Variants in SIRPA observed in about 807,000 individuals in gnomAD.
The protein encoded by SIRPA is tyrosine-protein phosphatase non-receptor type substrate 1.
In SIRPA, 9 loss-of-function variants were observed where a neutral mutation model predicts 50.3. The observed-to-expected ratio is 0.18, with a 90% confidence interval of 0.11 to 0.31. SIRPA has a LOEUF of 0.31. SIRPA is among the 10% of genes least tolerant of loss of function. SIRPA has a pLI of 1.00. For missense variants in SIRPA, 474 were observed against 661.6 expected, an observed-to-expected ratio of 0.72 and a Z score of 3.11; for synonymous variants, 265 against 284.1, an observed-to-expected ratio of 0.93 and a Z score of 0.68.
chr20:1,917,464 C>G lies in SIRPA; in HGVS notation c.436+2009C>G, dbSNP rs563438672. 8.5e-5 allele frequency among the ~76,000 whole-genome samples: 13 copies of G among 152,252 alleles called. No individual in the cohort carries two copies. The South Asian group carries it at 2.7e-3, about 32-fold the overall frequency. ...GCTGAGGCAGGAGAATGCTTGAACCCAGGAGACGGAGATTACAGTGAGCCG... is the reference window on the plus strand; with the variant it reads ...GCTGAGGCAGGAGAATGCTTGAACCGAGGAGACGGAGATTACAGTGAGCCG... On this transcript the variant is annotated intron_variant, in intron 2 of 7. Transcript: ENST00000358771.
chr20:1,923,868 G>T (rs1446028914), intron 4 of SIRPA, among the ~76,000 whole-genome samples: 5 of 152,236 alleles, frequency 3.3e-5, no homozygotes, highest in Non-Finnish European at 7.3e-5. Context: ...AGTCTCAGCT[G>T]GTAGGGGCCA....
chr20:1,900,488 G>A (rs1984124128), intron 1 of SIRPA, among the ~76,000 whole-genome samples: 1 of 152,146 alleles, frequency 6.6e-6, no homozygotes, highest in South Asian at 2.1e-4. Context: ...TGAGTGCTGT[G>A]GGCACAGCCT....
intron 1 of SIRPA, among the ~76,000 whole-genome samples, chr20:1,901,146 T>C (rs1323084578): frequency 6.6e-6 from 1 of 150,876 alleles, no homozygotes; most frequent in Admixed American, 6.6e-5. Context: ...TTTTGTTTTT[T>C]CTTCCTTTCT....
intron 2 of SIRPA, among the ~76,000 whole-genome samples, chr20:1,920,357 A>T (rs893544051): frequency 6.6e-6 from 1 of 152,190 alleles, no homozygotes; most frequent in African/African-American, 2.4e-5. Context: ...ATATTTACAA[A>T]TGCAAGTATG....
At chr20:1,925,410 G>GTATGTGAGCCCAGAAA (rs1458898955) in intron 5 of SIRPA, among the ~76,000 whole-genome samples, 1 of 152,210 alleles carries the variant, frequency 6.6e-6, no homozygotes, top group East Asian at 1.9e-4. Context: ...TACCCGTATT[G>GTATGTGAGCCCAGAAA]TATGTGAGCC....
chr20:1,907,574 G>A (rs1984620083), intron 1 of SIRPA, among the ~76,000 whole-genome samples: 1 of 152,200 alleles, frequency 6.6e-6, no homozygotes, highest in South Asian at 2.1e-4. Flanking sequence ...ACCTAGCTCA[G>A]GGGCCACCAG....
At chr20:1,920,109 T>C (rs1985559222) in intron 2 of SIRPA, among the ~76,000 whole-genome samples, 1 of 152,156 alleles carries the variant, frequency 6.6e-6, no homozygotes, top group Non-Finnish European at 1.5e-5. Flanking sequence ...AGCTTTGTCC[T>C]AAAAGGGGCT....
rs763820080 is a variant in SIRPA at position 1,937,604 on chromosome 20, G to A, written c.*36G>A. On this transcript the variant is annotated 3_prime_UTR_variant, in exon 8 of 8. Transcript: ENST00000358771. This position sits in a 1 kb window ranked among gnomAD's most constrained non-coding sequence, Gnocchi z 8.3. ...GGTTTGCTCTAGCACCCATCTCTAC[G>A]CGCTTTCTTGTCCCACAGGGAGCCG... The A allele has an allele frequency of 1.2e-4, 186 of 1,602,624 alleles. No homozygotes were observed. The highest frequency in any genetic ancestry group is 1.7e-4 in the Middle Eastern group (1 of 6,028).
chr20:1,911,322 C>A (rs1984874899), intron 1 of SIRPA, among the ~76,000 whole-genome samples: 1 of 152,220 alleles, frequency 6.6e-6, no homozygotes, highest in Non-Finnish European at 1.5e-5. Context: ...CATATTTTTA[C>A]TACATCAGAA....
chr20:1,904,293 A>G (rs544668103), intron 1 of SIRPA, among the ~76,000 whole-genome samples: 1 of 152,228 alleles, frequency 6.6e-6, no homozygotes, highest in Non-Finnish European at 1.5e-5. Flanking sequence ...CTGCTTGCCC[A>G]ACTTTAGACA....
intron 1 of SIRPA, among the ~76,000 whole-genome samples, chr20:1,899,997 A>G (rs1984076646): frequency 6.6e-6 from 1 of 152,138 alleles, no homozygotes; most frequent in Non-Finnish European, 1.5e-5. Flanking sequence ...TTCATAAAAC[A>G]TCTAACACAG....
Position 1,934,309 on chromosome 20 carries a change from CA to C in SIRPA, c.1227-398del, listed in dbSNP as rs967915111. Among the ~76,000 whole-genome samples, 81 of 151,928 alleles carry C rather than the reference CA, an allele frequency of 5.3e-4. 2 individuals are homozygous for C. In the East Asian group the frequency reaches 8.1e-3, roughly 15 times the overall value. On this transcript the variant is annotated intron_variant, in intron 6 of 7. Coordinates refer to ENST00000358771, the MANE Select transcript of SIRPA (RefSeq NM_001040023.2). The surrounding 1 kb of genome is among the most constrained non-coding windows in gnomAD (Gnocchi z 4.6). ...GCTTTTTCTATATTTTGAATTCCCC[CA>C]AAAAAAAGTGCAATTATGAGTCAAA...
chr20:1,926,998 A>G (rs1044715494), intron 5 of SIRPA, among the ~76,000 whole-genome samples: 2 of 152,200 alleles, frequency 1.3e-5, no homozygotes, highest in Non-Finnish European at 2.9e-5. Flanking sequence ...ATTCCCAGAG[A>G]TGACTTGTGT....
Position 1,936,638 on chromosome 20 carries a change from A to G in SIRPA, c.1267-682A>G, listed in dbSNP as rs1322717253. On this transcript the variant is annotated intron_variant, in intron 7 of 7. Transcript: ENST00000358771. This position sits in a 1 kb window ranked among gnomAD's most constrained non-coding sequence, Gnocchi z 4.2. ...AGTGAAGGTGAAATTATTGCCATCC[A>G]CTCATATATTCATTCAATATGGATC... Among the ~76,000 whole-genome samples the G allele has an allele frequency of 6.6e-6, 1 of 152,086 alleles. No homozygotes were observed. Among genetic ancestry groups the G allele is most frequent in the Non-Finnish European group, 1.5e-5 (1 of 68,008 alleles).
chr20:1,902,814 C>A (rs1984300307), intron 1 of SIRPA, among the ~76,000 whole-genome samples: 1 of 152,096 alleles, frequency 6.6e-6, no homozygotes, highest in African/African-American at 2.4e-5. Context: ...GAGTTTGAGA[C>A]CAGCCTGGCC....
intron 1 of SIRPA, among the ~76,000 whole-genome samples, chr20:1,904,824 T>C (rs1400528308): frequency 1.3e-5 from 2 of 152,168 alleles, no homozygotes; most frequent in Admixed American, 1.3e-4. Flanking sequence ...TGCTCCAGCC[T>C]GCATGTCCTC....
rs1207458890 is a variant in SIRPA at position 1,900,866 on chromosome 20, G to A, written c.79+5340G>A. The stretch of plus-strand genomic sequence containing the variant: ...TCAGCACTTGGTGTGTGTGACCCTG[G>A]TGGTACTCACAGCCACCTGGCGATG... On this transcript the variant is annotated intron_variant, in intron 1 of 7. Transcript: ENST00000358771. Among the ~76,000 whole-genome samples, 3 of 152,224 alleles carry A rather than the reference G, an allele frequency of 2.0e-5. No homozygotes were observed. The East Asian group carries it at 5.8e-4, about 29-fold the overall frequency.
rs1397789686 is a variant in SIRPA at position 1,898,167 on chromosome 20, A to C, written c.79+2641A>C. 6.6e-6 allele frequency among the ~76,000 whole-genome samples: 1 copy of C among 152,176 alleles called. No individual in the cohort carries two copies. Among genetic ancestry groups the C allele is most frequent in the Non-Finnish European group, 1.5e-5 (1 of 68,026 alleles). On this transcript the variant is annotated intron_variant, in intron 1 of 7. Transcript: ENST00000358771. The surrounding 1 kb of genome is among the most constrained non-coding windows in gnomAD (Gnocchi z 4.3). ...GGGGAGCAGCGGGGCCCCCCAGTGA[A>C]CCTCTCACCGTTTGGTAGAGGGTGG...
chr20:1,906,590 G>A lies in SIRPA; in HGVS notation c.80-8509G>A, dbSNP rs569501210. ...ATGTGGTGAGTGGAGAATCTGGCACGATTGGGGGAAAGCAAGGCTGTAGGC... is the reference window on the plus strand; with the variant it reads ...ATGTGGTGAGTGGAGAATCTGGCACAATTGGGGGAAAGCAAGGCTGTAGGC... On this transcript the variant is annotated intron_variant, in intron 1 of 7. Coordinates refer to ENST00000358771, the MANE Select transcript of SIRPA (RefSeq NM_001040023.2). Among the ~76,000 whole-genome samples the A allele has an allele frequency of 2.6e-5, 4 of 152,296 alleles. No homozygotes were observed. The East Asian group carries it at 5.8e-4, about 22-fold the overall frequency.
Sources: allele counts gnomAD v4.1 joint callset (sites outside exome capture counted in the v4.1 genomes callset), GRCh38; gene constraint gnomAD v4.1.1; non-coding constraint Gnocchi (gnomAD v3.1); transcripts MANE v1.5; gene names NCBI Gene and HGNC (gene_info 2026-07-23, HGNC 2026-07-21).